ADTRP: variants seen among roughly 807,000 people sequenced by gnomAD.
ADTRP encodes the protein androgen-dependent TFPI-regulating protein.
ADTRP carries 20 observed loss-of-function variants against 27.0 expected under a neutral mutation model. The ratio of observed to expected loss-of-function variants is 0.74; its 90% CI spans 0.52 to 1.08. ADTRP has a LOEUF of 1.08. Among genes scored for constraint, ADTRP ranks in the 50% least tolerant of loss-of-function variants. ADTRP has a pLI of 0.00. For synonymous variants in ADTRP, 101 were observed against 105.2 expected (o/e 0.96, Z 0.25); for missense variants, 251 against 275.0 (o/e 0.91, Z 0.62).
chr6:11,729,886 C>A (rs2113888790), intron 4 of ADTRP, among the ~76,000 whole-genome samples: 1 of 152,316 alleles, frequency 6.6e-6, no homozygotes, highest in East Asian at 1.9e-4. Flanking sequence ...TGTCTACTAA[C>A]TTAAAATTTT....
chr6:11,734,512 T>C (rs1220766009), intron 4 of ADTRP, among the ~76,000 whole-genome samples: 1 of 152,020 alleles, frequency 6.6e-6, no homozygotes, highest in East Asian at 1.9e-4. Context: ...TTCTTTAAGA[T>C]GGGAGAAGAA....
chr6:11,755,562 G>C (rs1763188497), intron 3 of ADTRP, among the ~76,000 whole-genome samples: 1 of 152,148 alleles, frequency 6.6e-6, no homozygotes. Flanking sequence ...TTCTTGAGAG[G>C]CAAAATGGCT....
chr6:11,714,661 GA>G (rs80355771), intron 5 of ADTRP, 149 bp from the exon 6 acceptor site: 1 of 845,680 alleles, frequency 1.2e-6, no homozygotes, highest in African/African-American at 1.7e-5. Flanking sequence ...AAGGAGTTAT[GA>G]AAAAACAGCT....
intron 3 of ADTRP, among the ~76,000 whole-genome samples, chr6:11,756,628 A>G (rs1008697162): frequency 6.6e-6 from 1 of 152,230 alleles, no homozygotes; most frequent in South Asian, 2.1e-4. Flanking sequence ...AACTATGCAG[A>G]TAGTAGATGC....
At chr6:11,773,739 A>AG (rs1159414042) in intron 1 of ADTRP, among the ~76,000 whole-genome samples, 1 of 152,326 alleles carries the variant, frequency 6.6e-6, no homozygotes, top group East Asian at 1.9e-4. Context: ...TGAAGCACAG[A>AG]GAAGTTAGGC....
chr6:11,770,496 T>G (rs1763735214), intron 1 of ADTRP, among the ~76,000 whole-genome samples: 1 of 151,490 alleles, frequency 6.6e-6, no homozygotes, highest in East Asian at 1.9e-4. Context: ...CAGGGAAAGG[T>G]CCTTGTCTAA....
intron 3 of ADTRP, among the ~76,000 whole-genome samples, chr6:11,765,282 G>A (rs1185521068): frequency 2.0e-5 from 3 of 151,034 alleles, no homozygotes; most frequent in Non-Finnish European, 2.9e-5. Flanking sequence ...AACTTTTGAG[G>A]AGTCTTGACA....
chr6:11,764,056 T>C (rs1257455330), intron 3 of ADTRP, among the ~76,000 whole-genome samples: 1 of 152,236 alleles, frequency 6.6e-6, no homozygotes, highest in Non-Finnish European at 1.5e-5. Context: ...CTTTGACCCT[T>C]GCTCCTTTTC....
At chr6:11,723,587 C>A in intron 4 of ADTRP, 87 bp from the exon 5 acceptor site, 1 of 1,495,920 alleles carries the variant, frequency 6.7e-7, no homozygotes, top group South Asian at 1.3e-5. Flanking sequence ...TACTGGTACC[C>A]AGGCAGGGGA....
At chr6:11,735,238 G>A (rs984077063) in intron 4 of ADTRP, among the ~76,000 whole-genome samples, 18 of 152,336 alleles carry the variant, frequency 1.2e-4, no homozygotes, top group African/African-American at 3.8e-4. Flanking sequence ...AGCCATTCAA[G>A]CATGTTCATT....
rs368824823 is a variant in ADTRP, at chr6:11,770,875, A to G, written c.154-2492T>C. 5.9e-5 allele frequency among the ~76,000 whole-genome samples: 9 copies of G among 152,298 alleles called. No individual in the cohort carries two copies. In the South Asian group the frequency reaches 1.9e-3, roughly 32 times the overall value. ...GGCTGCTGCTGTAGTTAGGAAGAGC[A>G]GGCACAGGCTTGGGCCCAGGGGAAG... On this transcript the variant is annotated intron_variant, in intron 1 of 5. Coordinates refer to ENST00000414691, the MANE Select transcript of ADTRP (RefSeq NM_032744.4).
intron 5 of ADTRP, 43 bp downstream of exon 5, chr6:11,723,306 C>T (rs77836444): frequency 0.098 from 157,241 of 1,602,780 alleles, 8,538 homozygotes; most frequent in Non-Finnish European, 0.11. Flanking sequence ...GAGAGGCAGA[C>T]ACGGAAGAAG....
intron 3 of ADTRP, among the ~76,000 whole-genome samples, chr6:11,740,221 C>T (rs17480980): frequency 0.099 from 15,082 of 152,236 alleles, 950 homozygotes; most frequent in Non-Finnish European, 0.14. Flanking sequence ...GATATTGGCT[C>T]TTCCCAAACT....
intron 5 of ADTRP, among the ~76,000 whole-genome samples, chr6:11,717,647 T>C (rs1296503586): frequency 1.3e-5 from 2 of 152,158 alleles, no homozygotes; most frequent in Admixed American, 1.3e-4. Context: ...AGAAAATTGA[T>C]GGTTGGGGGG....
At chr6:11,728,784 C>T (rs140611804) in intron 4 of ADTRP, among the ~76,000 whole-genome samples, 1 of 152,288 alleles carries the variant, frequency 6.6e-6, no homozygotes, top group African/African-American at 2.4e-5. Flanking sequence ...TGTTGGGTGG[C>T]TCTGTAGGAC....
In ADTRP at chr6:11,754,241, C is replaced by G. The variant is rs151188365; in HGVS notation, c.390+12033G>C. On this transcript the variant is annotated intron_variant, in intron 3 of 5. Transcript: ENST00000414691. The stretch of plus-strand genomic sequence containing the variant: ...GCTCTTTCTTGTCCTCATTTCTGCA[C>G]CCCTCTTTAGTTTTACCCCATTGTA... Among the ~76,000 whole-genome samples the G allele has an allele frequency of 4.7e-4, 71 of 152,292 alleles. 1 individual carries two copies. The highest frequency in any genetic ancestry group is 2.1e-4 in the Non-Finnish European group (14 of 68,028).
intron 3 of ADTRP, among the ~76,000 whole-genome samples, chr6:11,765,011 G>T (rs879869034): frequency 1.3e-5 from 2 of 151,942 alleles, no homozygotes; most frequent in Non-Finnish European, 2.9e-5. Context: ...GAGGAGGAGG[G>T]TTCCTGAGAG....
At chr6:11,767,189 T>C (rs1462074705) in intron 2 of ADTRP, among the ~76,000 whole-genome samples, 2 of 152,130 alleles carry the variant, frequency 1.3e-5, no homozygotes, top group African/African-American at 4.8e-5. Context: ...CTGGGCGACA[T>C]GGCAAAACCA....
rs146100209 is a variant in ADTRP at position 11,770,500 on chromosome 6, T to G, written c.154-2117A>C. On this transcript the variant is annotated intron_variant, in intron 1 of 5. Transcript: ENST00000414691. ...GCAGCAGACAGCAGGGAAAGGTCCT[T>G]GTCTAAGGGACAGGAAGGGAAAGGG... Among the ~76,000 whole-genome samples the G allele has an allele frequency of 5.6e-4, 85 of 152,142 alleles. 1 individual carries two copies. The East Asian group carries it at 0.015, about 27-fold the overall frequency.
Sources: gnomAD v4.1 joint callset for allele counts (sites outside exome capture counted in the v4.1 genomes callset) on GRCh38, gnomAD v4.1.1 for gene constraint, MANE v1.5 for transcripts, NCBI Gene and HGNC (gene_info 2026-07-23, HGNC 2026-07-21) for gene names.